Variants in CNTNAP5 observed in about 807,000 individuals in gnomAD.
CNTNAP5 encodes the protein contactin associated protein family member 5, also known as contactin-associated protein-like 5.
In CNTNAP5, 72 loss-of-function variants were observed where a neutral mutation model predicts 150.2. The observed-to-expected ratio is 0.48, with a 90% confidence interval of 0.40 to 0.58. The LOEUF (loss-of-function observed/expected upper bound fraction) is 0.58. Among genes scored for constraint, CNTNAP5 ranks in the 20% least tolerant of loss-of-function variants. The probability of loss-of-function intolerance (pLI) is 0.00; values close to 1 mark genes in which losing one functional copy is unlikely to be tolerated. For synonymous variants in CNTNAP5, 672 were observed against 619.8 expected (o/e 1.08, Z -1.25); for missense variants, 1,636 against 1,626.2 (o/e 1.01, Z -0.10).
At chr2:124,698,375 T>TACACACACACACACACACAC (rs59897587) in intron 13 of CNTNAP5, among the ~76,000 whole-genome samples, 13 of 147,426 alleles carry the variant, frequency 8.8e-5, no homozygotes, top group South Asian at 4.4e-4. Context: ...GACGAGAGGA[T>TACACACACACACACACACAC]ACACACACAC....
intron 13 of CNTNAP5, among the ~76,000 whole-genome samples, chr2:124,679,708 G>A (rs1679022381): frequency 6.6e-6 from 1 of 151,528 alleles, no homozygotes; most frequent in African/African-American, 2.4e-5. Context: ...AGCTGGGACT[G>A]CAGGCACCAC....
chr2:124,065,784 G>A (rs938506824), intron 1 of CNTNAP5, among the ~76,000 whole-genome samples: 4 of 152,048 alleles, frequency 2.6e-5, no homozygotes, highest in Admixed American at 6.6e-5. Context: ...AGTTTAACAC[G>A]GTTGAGCTAC....
intron 3 of CNTNAP5, among the ~76,000 whole-genome samples, chr2:124,332,869 A>G (rs1180622785): frequency 1.3e-5 from 2 of 152,144 alleles, no homozygotes; most frequent in Non-Finnish European, 2.9e-5. Flanking sequence ...TTTTAAATCA[A>G]GTAATGTTAT....
intron 19 of CNTNAP5, among the ~76,000 whole-genome samples, chr2:124,812,385 C>G (rs1191941547): frequency 6.6e-6 from 1 of 151,186 alleles, no homozygotes; most frequent in African/African-American, 2.4e-5. Context: ...AGAGTGGAAT[C>G]CCTCCTTTAT....
chr2:124,151,529 T>G (rs1394305769), intron 1 of CNTNAP5, among the ~76,000 whole-genome samples: 2 of 152,332 alleles, frequency 1.3e-5, no homozygotes, highest in Non-Finnish European at 1.5e-5. Context: ...TTCTTCCTCA[T>G]TTGTACCTCC....
intron 1 of CNTNAP5, among the ~76,000 whole-genome samples, chr2:124,175,876 C>T (rs910810747): frequency 2.0e-4 from 31 of 152,192 alleles, no homozygotes; most frequent in Non-Finnish European, 5.9e-5. Flanking sequence ...CATGTCTTTG[C>T]TATTGTGAAC....
intron 1 of CNTNAP5, among the ~76,000 whole-genome samples, chr2:124,220,350 G>T (rs535016281): frequency 1.3e-5 from 2 of 152,112 alleles, no homozygotes; most frequent in Admixed American, 6.5e-5. Context: ...CTGACTAATT[G>T]GCTGGTAGAT....
At chr2:124,562,407 G>T (rs957002102) in intron 10 of CNTNAP5, among the ~76,000 whole-genome samples, 8 of 152,072 alleles carry the variant, frequency 5.3e-5, no homozygotes, top group Non-Finnish European at 1.2e-4. Flanking sequence ...TTAATTTTAT[G>T]TACTACAGAT....
chr2:124,586,294 C>T (rs1183811994), intron 11 of CNTNAP5, among the ~76,000 whole-genome samples: 1 of 152,114 alleles, frequency 6.6e-6, no homozygotes, highest in South Asian at 2.1e-4. Flanking sequence ...GTTCAAGTCC[C>T]CAAATTTTCT....
intron 10 of CNTNAP5, among the ~76,000 whole-genome samples, chr2:124,536,826 G>A (rs964044028): frequency 2.0e-5 from 3 of 152,120 alleles, no homozygotes; most frequent in Admixed American, 6.6e-5. Context: ...AGCTGGGGTT[G>A]GGAAGGGCTG....
intron 1 of CNTNAP5, among the ~76,000 whole-genome samples, chr2:124,054,527 G>A (rs897766637): frequency 4.6e-5 from 7 of 152,038 alleles, no homozygotes; most frequent in Admixed American, 3.9e-4. Context: ...CCAGCAGCCT[G>A]GTTGAAAGTT....
At chr2:124,369,599 A>G (rs1690466691) in intron 3 of CNTNAP5, among the ~76,000 whole-genome samples, 1 of 152,150 alleles carries the variant, frequency 6.6e-6, no homozygotes, top group Non-Finnish European at 1.5e-5. Flanking sequence ...TTTTAGTGTT[A>G]TAACCTGTCA....
intron 11 of CNTNAP5, among the ~76,000 whole-genome samples, chr2:124,602,575 G>C (rs6715438): frequency 0.44 from 66,652 of 151,584 alleles, 15,243 homozygotes; most frequent in East Asian, 0.8. Context: ...CTCACTGCAG[G>C]CTCAAACTCT....
intron 13 of CNTNAP5, among the ~76,000 whole-genome samples, chr2:124,735,467 T>G (rs991699645): frequency 1.3e-5 from 2 of 152,086 alleles, no homozygotes; most frequent in Non-Finnish European, 2.9e-5. Context: ...GTTTTTTAGA[T>G]AAATCAATAG....
At chr2:124,656,372 G>A (rs1678458309) in intron 13 of CNTNAP5, among the ~76,000 whole-genome samples, 1 of 152,128 alleles carries the variant, frequency 6.6e-6, no homozygotes, top group Non-Finnish European at 1.5e-5. Flanking sequence ...TACCCTTAAA[G>A]TGATACAGCT....
intron 1 of CNTNAP5, among the ~76,000 whole-genome samples, chr2:124,201,967 CT>C (rs1685739162): frequency 6.6e-6 from 1 of 152,024 alleles, no homozygotes; most frequent in Non-Finnish European, 1.5e-5. Flanking sequence ...TCCTCGGCCC[CT>C]AAGACAGTGT....
At position 124,158,552 on chromosome 2, in the gene CNTNAP5, A is replaced by G. The variant is rs371757475; in HGVS notation, c.83-63153A>G. On this transcript the variant is annotated intron_variant, in intron 1 of 23. Transcript: ENST00000682447. Reference sequence around the variant, plus strand: ...TGGATTTTTTCCCCAAATATTTTCAATTTGCAATTGGTTGAATCCACGGAT... The same window carrying G: ...TGGATTTTTTCCCCAAATATTTTCAGTTTGCAATTGGTTGAATCCACGGAT... 2.6e-5 allele frequency among the ~76,000 whole-genome samples: 4 copies of G among 152,230 alleles called. No homozygotes were observed. In the East Asian group the frequency reaches 5.8e-4, roughly 22 times the overall value.
At chr2:124,369,004 A>T (rs969008148) in intron 3 of CNTNAP5, among the ~76,000 whole-genome samples, 4 of 152,114 alleles carry the variant, frequency 2.6e-5, no homozygotes, top group Admixed American at 1.3e-4. Flanking sequence ...ATAATTTTTT[A>T]AAAAATAGTT....
At chr2:124,134,033 T>C (rs1236580511) in intron 1 of CNTNAP5, among the ~76,000 whole-genome samples, 2 of 152,180 alleles carry the variant, frequency 1.3e-5, no homozygotes, top group African/African-American at 2.4e-5. Flanking sequence ...TTAATTGCTG[T>C]TCTTTCCTGC....
Sources: allele counts gnomAD v4.1 joint callset (sites outside exome capture counted in the v4.1 genomes callset), GRCh38; gene constraint gnomAD v4.1.1; transcripts MANE v1.5; gene names NCBI Gene and HGNC (gene_info 2026-07-23, HGNC 2026-07-21).